Variants in CHRNA7 observed in about 807,000 individuals in gnomAD.
CHRNA7 encodes cholinergic receptor nicotinic alpha 7 subunit, also known as neuronal acetylcholine receptor subunit alpha-7.
In CHRNA7, 17 loss-of-function variants were observed where a neutral mutation model predicts 48.0. The ratio of observed to expected loss-of-function variants is 0.35; its 90% CI spans 0.24 to 0.53. CHRNA7 has a LOEUF of 0.53. Ranked by LOEUF, CHRNA7 falls within the 20% of genes least tolerant of loss-of-function variation. The pLI, the probability that CHRNA7 is intolerant of heterozygous loss-of-function variation, is 0.92. For synonymous variants in CHRNA7, 75 were observed against 242.3 expected (o/e 0.31, Z 6.41); for missense variants, 155 against 577.7 (o/e 0.27, Z 7.50).
rs1041995242 is a variant in CHRNA7, at chr15:32,111,778, T to G, written c.241-12T>G. ...GGAAGTGAAGTGCTGCTAATGTCAT[T>G]GTGTGTGTCAGTCTTGGACAGATCA... is the stretch of plus-strand genomic sequence containing the variant. On this transcript the variant is annotated splice_polypyrimidine_tract_variant and intron_variant, in intron 3 of 9. Transcript: ENST00000306901. 1 of 1,529,492 alleles carries G rather than the reference T, an allele frequency of 6.5e-7. No individual in the cohort carries two copies. Among genetic ancestry groups the G allele is most frequent in the Admixed American group, 1.7e-5 (1 of 59,424 alleles). 94.7% of individuals were successfully genotyped at this position (1,529,492 alleles called of 1,614,324 possible).
chr15:32,153,154 C>T (rs1173462724), intron 4 of CHRNA7, among the ~76,000 whole-genome samples: 1 of 152,178 alleles, frequency 6.6e-6, no homozygotes, highest in Non-Finnish European at 1.5e-5. Context: ...GGCACGGTGG[C>T]TCACGCCTAT....
Position 32,142,122 on chromosome 15 carries a change from A to G in CHRNA7, c.351-11785A>G, listed in dbSNP as rs547095202. ...AATACCTAGTTTATTGAGAGTTTTT[A>G]GCATGAAGGGCTGTTGAATTTTGTC... On this transcript the variant is annotated intron_variant, in intron 4 of 9. Transcript: ENST00000306901. 2.6e-5 allele frequency among the ~76,000 whole-genome samples: 4 copies of G among 152,332 alleles called. No individual in the cohort carries two copies. The South Asian group carries it at 8.3e-4, about 32-fold the overall frequency.
At chr15:32,082,868 C>T (rs1008778839) in intron 2 of CHRNA7, among the ~76,000 whole-genome samples, 1 of 152,070 alleles carries the variant, frequency 6.6e-6, no homozygotes, top group African/African-American at 2.4e-5. Flanking sequence ...GGCATGATGG[C>T]TCATGCCTGT....
At chr15:32,139,252 T>C (rs995261329) in intron 4 of CHRNA7, among the ~76,000 whole-genome samples, 1 of 152,254 alleles carries the variant, frequency 6.6e-6, no homozygotes, top group Non-Finnish European at 1.5e-5. Context: ...ATAGCACAGT[T>C]AGTTTATCCA....
intron 2 of CHRNA7, among the ~76,000 whole-genome samples, chr15:32,088,071 A>G (rs974675606): frequency 2.6e-5 from 4 of 152,222 alleles, no homozygotes; most frequent in African/African-American, 7.2e-5. Context: ...TCTCTGCCCT[A>G]GAAGTACTCT....
At chr15:32,151,632 T>A (rs1163087098) in intron 4 of CHRNA7, among the ~76,000 whole-genome samples, 1 of 152,224 alleles carries the variant, frequency 6.6e-6, no homozygotes, top group African/African-American at 2.4e-5. Flanking sequence ...CTGTGATTTC[T>A]ATCAGCCAAA....
At chr15:32,051,312 C>T (rs1250045508) in intron 2 of CHRNA7, among the ~76,000 whole-genome samples, 8 of 152,170 alleles carry the variant, frequency 5.3e-5, no homozygotes, top group Non-Finnish European at 1.0e-4. Context: ...CCAGTTGGAG[C>T]TTCCTGGCTG....
chr15:32,048,258 C>T lies in CHRNA7; in HGVS notation c.195+17221C>T, dbSNP rs552089686. Among the ~76,000 whole-genome samples, 43 of 152,266 alleles carry T rather than the reference C, an allele frequency of 2.8e-4. 1 individual carries two copies. The East Asian group carries it at 6.6e-3, about 23-fold the overall frequency. ...TCAGAAGGAACGGTACCAGTTCCTC[C>T]TTGTACCTCTGGTAGAATTCGGCTG... On this transcript the variant is annotated intron_variant, in intron 2 of 9. Transcript: ENST00000306901.
chr15:32,130,491 CTT>C (rs2051135663), intron 4 of CHRNA7, among the ~76,000 whole-genome samples: 1 of 150,414 alleles, frequency 6.6e-6, no homozygotes, highest in African/African-American at 2.4e-5. Context: ...TATAGTTACT[CTT>C]GTGTTTTTTG....
chr15:32,098,818 G>A (rs542737942), intron 2 of CHRNA7: 1 of 145,348 alleles, frequency 6.9e-6, no homozygotes, highest in Non-Finnish European at 1.5e-5. Context: ...GTTATATGTT[G>A]TTATAAGTGT....
At chr15:32,134,793 A>G (rs562286449) in intron 4 of CHRNA7, among the ~76,000 whole-genome samples, 75 of 152,368 alleles carry the variant, frequency 4.9e-4, no homozygotes, top group African/African-American at 1.8e-3. Flanking sequence ...AAAAGAATCA[A>G]GTAAAATTAA....
At chr15:32,141,095 TG>T (rs1438574734) in intron 4 of CHRNA7, among the ~76,000 whole-genome samples, 1 of 152,258 alleles carries the variant, frequency 6.6e-6, no homozygotes, top group African/African-American at 2.4e-5. Context: ...AGTTAATTTT[TG>T]TATAAGGTGT....
intron 2 of CHRNA7, among the ~76,000 whole-genome samples, chr15:32,046,440 T>C (rs1453986713): frequency 6.7e-6 from 1 of 149,286 alleles, no homozygotes; most frequent in Non-Finnish European, 1.5e-5. Flanking sequence ...CCTTTTTTCA[T>C]GTGTCTTTTG....
At position 32,097,167 on chromosome 15, in the gene CHRNA7, G is replaced by A. The variant is rs145160514; in HGVS notation, c.196-4136G>A. Among the ~76,000 whole-genome samples the A allele has an allele frequency of 1.9e-3, 292 of 152,306 alleles. 1 individual carries two copies. Among genetic ancestry groups the A allele is most frequent in the African/African-American group, 6.7e-3 (279 of 41,566 alleles). On this transcript the variant is annotated intron_variant, in intron 2 of 9. Coordinates refer to ENST00000306901, the MANE Select transcript of CHRNA7 (RefSeq NM_000746.6). Reference sequence around the variant, plus strand: ...TGAAATGCACAGAAGCCAATTGCCTGCTGAGTCGGGAGCCCCCAGGGTCTT... The same window carrying A: ...TGAAATGCACAGAAGCCAATTGCCTACTGAGTCGGGAGCCCCCAGGGTCTT...
intron 2 of CHRNA7, among the ~76,000 whole-genome samples, chr15:32,056,783 T>G (rs2049794950): frequency 6.6e-6 from 1 of 152,192 alleles, no homozygotes; most frequent in African/African-American, 2.4e-5. Context: ...AATATCAAAT[T>G]CTCTGGACCT....
chr15:32,092,145 C>T (rs912938985), intron 2 of CHRNA7, among the ~76,000 whole-genome samples: 6 of 152,240 alleles, frequency 3.9e-5, no homozygotes, highest in Middle Eastern at 3.4e-3. Flanking sequence ...TATCTTACAC[C>T]GTGGTTATCT....
At chr15:32,142,527 G>A (rs182676447) in intron 4 of CHRNA7, among the ~76,000 whole-genome samples, 1 of 152,230 alleles carries the variant, frequency 6.6e-6, no homozygotes, top group African/African-American at 2.4e-5. Flanking sequence ...GGCAGAATTC[G>A]GCTGTGAATT....
chr15:32,145,018 A>C (rs2051458796), intron 4 of CHRNA7, among the ~76,000 whole-genome samples: 1 of 152,076 alleles, frequency 6.6e-6, no homozygotes. Context: ...TGGAATTTTC[A>C]GTTTTTCTGC....
At chr15:32,108,949 C>G (rs1055606886) in intron 3 of CHRNA7, among the ~76,000 whole-genome samples, 1 of 152,164 alleles carries the variant, frequency 6.6e-6, no homozygotes, top group Non-Finnish European at 1.5e-5. Context: ...CCAGGTCTGT[C>G]TGATGCGGAT....
Sources: gnomAD v4.1 joint callset for allele counts (sites outside exome capture counted in the v4.1 genomes callset) on GRCh38, gnomAD v4.1.1 for gene constraint, MANE v1.5 for transcripts, NCBI Gene and HGNC (gene_info 2026-07-23, HGNC 2026-07-21) for gene names.